The following IL2RB variants were observed in gnomAD, a reference collection of about 807,000 sequenced individuals.
IL2RB encodes the protein interleukin-2 receptor subunit beta.
Under a neutral mutation model 44.2 loss-of-function variants are expected in IL2RB, and 17 were observed. That is an observed-to-expected ratio of 0.38 (90% CI 0.26 to 0.58). IL2RB has a LOEUF of 0.58. Ranked by LOEUF, IL2RB falls within the 20% of genes least tolerant of loss-of-function variation. IL2RB has a pLI of 0.63. For synonymous variants in IL2RB, 286 were observed against 297.9 expected, an observed-to-expected ratio of 0.96 and a Z score of 0.41; for missense variants, 624 against 685.5, an observed-to-expected ratio of 0.91 and a Z score of 1.00.
intron 4 of IL2RB, among the ~76,000 whole-genome samples, chr22:37,140,318 T>C (rs990596063): frequency 2.0e-5 from 3 of 148,426 alleles, no homozygotes; most frequent in African/African-American, 7.4e-5. Context: ...ATTATTATTA[T>C]TATTATTATT....
chr22:37,164,299 A>C (rs1922989982), intron 1 of IL2RB, among the ~76,000 whole-genome samples: 1 of 152,108 alleles, frequency 6.6e-6, no homozygotes, highest in East Asian at 1.9e-4. Context: ...TGGCCAGTGC[A>C]CAAGGGGTCA....
chr22:37,136,247 G>T lies in IL2RB; in HGVS notation c.684C>A (p.Ala228=). 6.2e-7 allele frequency: 1 copy of T among 1,611,468 alleles called. No individual in the cohort carries two copies. The highest frequency in any genetic ancestry group is 8.5e-7 in the Non-Finnish European group (1 of 1,179,498). ...TTWSPWSQPL[A]FRTKPAALGK... ...CAGTACCTGCAGGCTTTGTCCTGAA[G>T]GCCAGGGGCTGGCTCCAGGGGCTCC... The change falls in exon 7 of 10, where the codon GCC becomes GCA. Residue 228 remains alanine, a synonymous_variant. Transcript: ENST00000216223.
Position 37,142,000 on chromosome 22 carries a change from A to T in IL2RB, c.282+434T>A, listed in dbSNP as rs1940187384. On this transcript the variant is annotated intron_variant, in intron 4 of 9. Coordinates refer to ENST00000216223, the MANE Select transcript of IL2RB (RefSeq NM_000878.5). This position sits in a 1 kb window ranked among gnomAD's most constrained non-coding sequence, Gnocchi z 4.4. The stretch of plus-strand genomic sequence containing the variant: ...TGGGGCACAGGGGTTGCCCAATGTC[A>T]CCCAGCTGGTGAGCCAGGGCTGGAG... Among the ~76,000 whole-genome samples, 1 of 152,066 alleles carries T rather than the reference A, an allele frequency of 6.6e-6. No homozygotes were observed. The highest frequency in any genetic ancestry group is 2.4e-5 in the African/African-American group (1 of 41,410).
chr22:37,145,116 G>A (rs1321064684), intron 1 of IL2RB, among the ~76,000 whole-genome samples: 6 of 152,208 alleles, frequency 3.9e-5, no homozygotes, highest in Non-Finnish European at 5.9e-5. Flanking sequence ...ATGGTGTGAA[G>A]GCATCAGGAC....
chr22:37,131,166 CAAAA>C (rs1921403299), intron 9 of IL2RB, among the ~76,000 whole-genome samples: 1 of 111,988 alleles, frequency 8.9e-6, no homozygotes, highest in African/African-American at 3.7e-5. Flanking sequence ...GACTCCATCT[CAAAA>C]AATAAATAAA....
intron 1 of IL2RB, among the ~76,000 whole-genome samples, chr22:37,161,531 G>A (rs1455355293): frequency 6.6e-6 from 1 of 151,870 alleles, no homozygotes; most frequent in African/African-American, 2.4e-5. Context: ...ACCTCAGGCT[G>A]GGAAAGTGAG....
intron 1 of IL2RB, among the ~76,000 whole-genome samples, chr22:37,163,587 G>T (rs1473314703): frequency 6.6e-6 from 1 of 152,190 alleles, no homozygotes; most frequent in Non-Finnish European, 1.5e-5. Flanking sequence ...TCCAAACTGG[G>T]CACCTTGCCT....
chr22:37,171,215 G>C (rs377107041), intron 1 of IL2RB, among the ~76,000 whole-genome samples: 2 of 152,206 alleles, frequency 1.3e-5, no homozygotes, highest in East Asian at 3.9e-4. Context: ...ACTCCTGACC[G>C]CAGGTGATCC....
intron 4 of IL2RB, among the ~76,000 whole-genome samples, chr22:37,139,874 G>A (rs771618133): frequency 5.3e-5 from 8 of 152,198 alleles, no homozygotes; most frequent in Non-Finnish European, 7.3e-5. Context: ...AGGGACCTGC[G>A]CCAGGTCATG....
chr22:37,167,496 G>C (rs560716376), intron 1 of IL2RB, among the ~76,000 whole-genome samples: 2 of 152,206 alleles, frequency 1.3e-5, no homozygotes, highest in South Asian at 4.1e-4. Context: ...CCAGGCCTGC[G>C]GCCTCTCTGG....
intron 1 of IL2RB, among the ~76,000 whole-genome samples, chr22:37,173,319 G>T (rs1427202040): frequency 6.6e-6 from 1 of 152,090 alleles, no homozygotes; most frequent in Non-Finnish European, 1.5e-5. Flanking sequence ...TATTAGACTG[G>T]AAGCCGCATG....
chr22:37,137,278 G>A (rs3218293), intron 6 of IL2RB, among the ~76,000 whole-genome samples: 2,247 of 152,350 alleles, frequency 0.015, 61 homozygotes, highest in African/African-American at 0.052. Context: ...GCTTTGACAC[G>A]TGGAGGGTTG....
At chr22:37,152,612 G>A (rs969503576), upstream of IL2RB, among the ~76,000 whole-genome samples, 4 of 152,104 alleles carry the variant, frequency 2.6e-5, no homozygotes, top group African/African-American at 9.7e-5. Context: ...ATGACTATCA[G>A]GTCTTTGTGA....
intron 5 of IL2RB, among the ~76,000 whole-genome samples, chr22:37,137,964 A>T (rs777770000): frequency 4.6e-5 from 7 of 151,936 alleles, no homozygotes; most frequent in Non-Finnish European, 1.0e-4. Flanking sequence ...TTTCACTTTT[A>T]TTCCCAGTGC....
chr22:37,137,632 G>T lies in IL2RB; in HGVS notation c.492C>A (p.His164Gln), dbSNP rs1302940085. The part of the protein sequence containing the change: ...ISQASHYFER[H>Q]LEFEARTLSP... ...ACAGCGTCCGGGCCTCGAACTCCAG[G>T]TGTCTTTCAAAGTAGTGGGAGGCTT... Residue 164 changes from histidine to glutamine, a missense_variant, in exon 6 of 10, where the codon CAC becomes CAA. This residue lies in a region of IL2RB where 255 missense variants were observed against 339.9 expected (regional missense o/e 0.75). Coordinates refer to ENST00000216223, the MANE Select transcript of IL2RB (RefSeq NM_000878.5). The T allele has an allele frequency of 6.2e-7, 1 of 1,614,210 alleles. No individual in the cohort carries two copies. Among genetic ancestry groups the T allele is most frequent in the Non-Finnish European group, 8.5e-7 (1 of 1,180,032 alleles).
In IL2RB at chr22:37,141,372, C is replaced by T. The variant is rs1408541026; in HGVS notation, c.282+1062G>A. On this transcript the variant is annotated intron_variant, in intron 4 of 9. Coordinates refer to ENST00000216223, the MANE Select transcript of IL2RB (RefSeq NM_000878.5). This position sits in a 1 kb window ranked among gnomAD's most constrained non-coding sequence, Gnocchi z 4.4. Reference sequence around the variant, plus strand: ...CTCTCAGGGTCTGGGAAGATCCCCCCTTGCCTCCGCAGGCTCAGAGCTGTC... The same window carrying T: ...CTCTCAGGGTCTGGGAAGATCCCCCTTTGCCTCCGCAGGCTCAGAGCTGTC... 6.6e-6 allele frequency among the ~76,000 whole-genome samples: 1 copy of T among 152,208 alleles called. No homozygotes were observed. The highest frequency in any genetic ancestry group is 1.5e-5 in the Non-Finnish European group (1 of 68,014).
At chr22:37,165,953 AG>A (rs1386574989) in intron 1 of IL2RB, among the ~76,000 whole-genome samples, 1 of 152,112 alleles carries the variant, frequency 6.6e-6, no homozygotes, top group East Asian at 1.9e-4. Flanking sequence ...TCGCCAGGGG[AG>A]CGAGATCATG....
At chr22:37,133,073 G>T (rs1921511057) in intron 8 of IL2RB, among the ~76,000 whole-genome samples, 1 of 152,230 alleles carries the variant, frequency 6.6e-6, no homozygotes, top group South Asian at 2.1e-4. Context: ...TTGCCCAAAG[G>T]TTCCACACAG....
chr22:37,133,371 C>T (rs534984600), intron 8 of IL2RB, among the ~76,000 whole-genome samples: 12 of 152,270 alleles, frequency 7.9e-5, no homozygotes, highest in African/African-American at 1.7e-4. Flanking sequence ...CGAACACTGC[C>T]GAGAACCACT....
Sources: allele counts gnomAD v4.1 joint callset (sites outside exome capture counted in the v4.1 genomes callset), GRCh38; gene constraint gnomAD v4.1.1; regional missense constraint gnomAD v4.1.1; non-coding constraint Gnocchi (gnomAD v3.1); transcripts MANE v1.5; gene names NCBI Gene and HGNC (gene_info 2026-07-23, HGNC 2026-07-21).